Variants in UBR4 observed in about 807,000 individuals in gnomAD.
UBR4 encodes the protein E3 ubiquitin-protein ligase UBR4.
UBR4 carries 124 observed loss-of-function variants against 575.6 expected under a neutral mutation model. The observed-to-expected ratio is 0.22, with a 90% CI of 0.19 to 0.25. The LOEUF is 0.25. Among genes scored for constraint, UBR4 ranks in the 10% least tolerant of loss-of-function variants. The pLI is 1.00. For synonymous variants in UBR4, 2,455 were observed against 2,473.7 expected (o/e 0.99, Z 0.22); for missense variants, 4,818 against 6,478.8 (o/e 0.74, Z 8.80).
In UBR4 at chr1:19,139,067, C is replaced by G; in HGVS notation, c.8731+16G>C. On this transcript the variant is annotated intron_variant, in intron 59 of 105. Coordinates refer to ENST00000375254, the MANE Select transcript of UBR4 (RefSeq NM_020765.3). This position sits in a 1 kb window ranked among gnomAD's most constrained non-coding sequence, Gnocchi z 4.2. Reference sequence around the variant, plus strand: ...CCTCTGCCCAAGGAGACAGGACCCCCGCCATGGCACATTACCACTGTGCTC... The same window carrying G: ...CCTCTGCCCAAGGAGACAGGACCCCGGCCATGGCACATTACCACTGTGCTC... 2 of 1,600,346 alleles carry G rather than the reference C, an allele frequency of 1.2e-6. No individual in the cohort carries two copies. Among genetic ancestry groups the G allele is most frequent in the Non-Finnish European group, 1.7e-6 (2 of 1,171,276 alleles).
intron 60 of UBR4, among the ~76,000 whole-genome samples, chr1:19,134,952 T>C (rs887067114): frequency 2.6e-5 from 4 of 152,036 alleles, no homozygotes; most frequent in African/African-American, 9.7e-5. Context: ...TATAGTCCAG[T>C]TTATAGGTTT....
At chr1:19,183,744 TTGGAGCTGCAGCCTA>T in intron 17 of UBR4, 52 bp downstream of exon 17, 1 of 1,492,656 alleles carries the variant, frequency 6.7e-7, no homozygotes, top group Non-Finnish European at 9.3e-7. Flanking sequence ...AAACAAACAA[TTGGAGCTGCAGCCTA>T]TGGAAGCTGG....
Position 19,084,599 on chromosome 1 carries a change from C to A in UBR4, c.14913G>T (p.Glu4971Asp), listed in dbSNP as rs1468951359. ...IKLLFLRFAM[E>D]QSFSADTGGG... ...CGCCAGTGTCTGCGCTGAACGACTG[C>A]TCCATGGCGAAGCGCAGGAAGAGCA... Residue 4971 changes from glutamate (E) to aspartate (D), a missense_variant, in exon 102 of 106, where the codon GAG becomes GAT. Physicochemically the swap from Glu to Asp is conservative, Grantham distance 45 (BLOSUM62 2). Coordinates refer to ENST00000375254, the MANE Select transcript of UBR4 (RefSeq NM_020765.3). 1.2e-6 allele frequency: 2 copies of A among 1,614,042 alleles called. No individual in the cohort carries two copies. Among genetic ancestry groups the A allele is most frequent in the Non-Finnish European group, 1.7e-6 (2 of 1,179,988 alleles).
At position 19,104,640 on chromosome 1, in the gene UBR4, C is replaced by T. The variant is rs541950120; in HGVS notation, c.12672G>A (p.Glu4224=). Residue 4224 remains glutamate, a synonymous_variant, in exon 86 of 106, where the codon GAG becomes GAA. Coordinates refer to ENST00000375254, the MANE Select transcript of UBR4 (RefSeq NM_020765.3). ...GCAGATCGGTACTCAGGGTAGCCTC[C>T]TCCAGGGCCAGCAGACGAGCTATTT... is the stretch of plus-strand genomic sequence containing the variant. ...TKEIARLLAL[E]EATLSTDLQQ... 3 of 1,614,138 alleles carry T rather than the reference C, an allele frequency of 1.9e-6. No homozygotes were observed. The African/African-American group carries it at 4.0e-5, about 22-fold the overall frequency.
At position 19,117,504 on chromosome 1, in the gene UBR4, C is replaced by A; in HGVS notation, c.10630-90G>T. On this transcript the variant is annotated intron_variant, in intron 72 of 105. Coordinates refer to ENST00000375254, the MANE Select transcript of UBR4 (RefSeq NM_020765.3). This position sits in a 1 kb window ranked among gnomAD's most constrained non-coding sequence, Gnocchi z 4.0. Reference sequence around the variant, plus strand: ...ATCAGTGTAACCCACTCTTCATCCACAAGATGAAGTTTCTATTTAATTTTT... The same window carrying A: ...ATCAGTGTAACCCACTCTTCATCCAAAAGATGAAGTTTCTATTTAATTTTT... 1 of 1,339,502 alleles carries A rather than the reference C, an allele frequency of 7.5e-7. No homozygotes were observed. The highest frequency in any genetic ancestry group is 1.4e-5 in the South Asian group (1 of 73,314). The allele number at this position is 1,339,502 out of a possible 1,614,324, so 83.0% of individuals were successfully genotyped here.
intron 1 of UBR4, among the ~76,000 whole-genome samples, chr1:19,209,315 GA>G (rs2093184976): frequency 6.6e-6 from 1 of 152,146 alleles, no homozygotes; most frequent in Non-Finnish European, 1.5e-5. Context: ...AGTATGTCAG[GA>G]AAAGGCAGGC....
rs775801765 is a variant in UBR4, at chr1:19,148,023, G to A, written c.7599C>T (p.His2533=). The A allele has an allele frequency of 9.3e-6, 15 of 1,612,746 alleles. 1 individual carries two copies. In the South Asian group the frequency reaches 1.5e-4, roughly 17 times the overall value. The change falls in exon 51 of 106, where the codon CAC becomes CAT. Residue 2533 remains histidine (H), a synonymous_variant. Transcript: ENST00000375254. ...GGCTGTGGTAGGCCGAGCGGCTGGTGTGCAGGCTGGCCAGAAGGCTCTTGG... is the reference window on the plus strand; with the variant it reads ...GGCTGTGGTAGGCCGAGCGGCTGGTATGCAGGCTGGCCAGAAGGCTCTTGG... The part of the protein sequence containing the change: ...QQSKSLLASL[H]TSRSAYHSHK...
At position 19,113,448 on chromosome 1, in the gene UBR4, C is replaced by T. The variant is rs575784324; in HGVS notation, c.11457+251G>A. The stretch of plus-strand genomic sequence containing the variant: ...GGGTTGTTAATGGCTAAAAAAAACC[C>T]TTATCTGTGTTACCTTCCCATCACC... On this transcript the variant is annotated intron_variant, in intron 77 of 105. Coordinates refer to ENST00000375254, the MANE Select transcript of UBR4 (RefSeq NM_020765.3). 8 of 541,322 alleles carry T rather than the reference C, an allele frequency of 1.5e-5. No individual in the cohort carries two copies. In the South Asian group the frequency reaches 1.5e-4, roughly 10 times the overall value. 33.5% of individuals were successfully genotyped at this position (541,322 alleles called of 1,614,324 possible). A position where few individuals can be genotyped will look rare whatever the true frequency, so the allele number is the denominator to read the frequency against.
intron 21 of UBR4, 128 bp from the exon 22 acceptor site, chr1:19,174,575 T>C (rs1343805351): frequency 7.5e-7 from 1 of 1,336,244 alleles, no homozygotes; most frequent in Non-Finnish European, 1.0e-6. Context: ...AATTTCTCCT[T>C]GGAACAGATT....
rs760035233 is a variant in UBR4 at position 19,169,661 on chromosome 1, C to G, written c.3644-129G>C. Reference sequence around the variant, plus strand: ...GCTGTCAAAATAATTAGTAAGATAGCTTAGATAGATATTTCAATAGCAGTA... The same window carrying G: ...GCTGTCAAAATAATTAGTAAGATAGGTTAGATAGATATTTCAATAGCAGTA... On this transcript the variant is annotated intron_variant, in intron 26 of 105. Coordinates refer to ENST00000375254, the MANE Select transcript of UBR4 (RefSeq NM_020765.3). 9.4e-6 allele frequency: 6 copies of G among 638,294 alleles called. No homozygotes were observed. The Admixed American group carries it at 1.0e-4, about 11-fold the overall frequency. 39.5% of individuals were successfully genotyped at this position (638,294 alleles called of 1,614,324 possible).
At position 19,086,274 on chromosome 1, in the gene UBR4, G is replaced by T; in HGVS notation, c.14688-4C>A. ...CTCTTCCCGGCCTCGAGCCAACCTG[G>T]ATAGGGAGGAGAGCAGGGACAAGCG... On this transcript the variant is annotated splice_polypyrimidine_tract_variant and splice_region_variant and intron_variant, in intron 100 of 105. Transcript: ENST00000375254. The T allele has an allele frequency of 6.2e-7, 1 of 1,600,396 alleles. No individual in the cohort carries two copies. Among genetic ancestry groups the T allele is most frequent in the Non-Finnish European group, 8.5e-7 (1 of 1,173,686 alleles).
chr1:19,168,540 G>A (rs1303860024), intron 27 of UBR4, among the ~76,000 whole-genome samples: 1 of 152,156 alleles, frequency 6.6e-6, no homozygotes, highest in East Asian at 1.9e-4. Flanking sequence ...GTTCTGGGTG[G>A]TGTAAACAGA....
chr1:19,101,110 C>T (rs1459946346), intron 88 of UBR4, among the ~76,000 whole-genome samples: 1 of 151,908 alleles, frequency 6.6e-6, no homozygotes, highest in Admixed American at 6.6e-5. Flanking sequence ...ACAGTTCAGG[C>T]TAGGGAAAAA....
intron 103 of UBR4, 100 bp from the exon 104 acceptor site, chr1:19,078,166 G>A (rs1557460878): frequency 8.1e-7 from 1 of 1,233,656 alleles, no homozygotes; most frequent in Non-Finnish European, 1.2e-6. Context: ...TCACAGTGGT[G>A]TATGCATCTC....
At position 19,145,858 on chromosome 1, in the gene UBR4, T is replaced by C; in HGVS notation, c.7880A>G (p.Asn2627Ser). The change falls in exon 53 of 106, where the codon AAC becomes AGC. Residue 2627 changes from asparagine (N) to serine (S), a missense_variant. By Grantham distance (46) the Asn-to-Ser change is conservative (BLOSUM62 1). Around this residue, in one of 29 missense-constraint regions of UBR4, gnomAD observed 340 missense variants for 375.4 expected, o/e 0.91. Coordinates refer to ENST00000375254, the MANE Select transcript of UBR4 (RefSeq NM_020765.3). ...GGATGCATGGAGTTTCCAGAAGTGG[T>C]TCACAAGCTGGGTGATGAAACTACA... is the stretch of plus-strand genomic sequence containing the variant. ...DCCSFITQLV[N>S]HFWKLHASKP... 1 of 1,614,194 alleles carries C rather than the reference T, an allele frequency of 6.2e-7. No homozygotes were observed. Among genetic ancestry groups the C allele is most frequent in the Non-Finnish European group, 8.5e-7 (1 of 1,180,024 alleles).
Position 19,087,849 on chromosome 1 carries a change from C to A in UBR4, c.14511G>T (p.Thr4837=). ...TGTATCCCTCCCTGCAGATGCAGCA[C>A]GTGAGGCCAGGCTCCTCGATCAGCT... ...MEELIEEPGL[T]CCICREGYKF... is the part of the protein sequence containing the mutation. The change falls in exon 99 of 106, where the codon ACG becomes ACT. Residue 4837 remains threonine (T), a synonymous_variant. Transcript: ENST00000375254. 1 of 1,611,498 alleles carries A rather than the reference C, an allele frequency of 6.2e-7. No homozygotes were observed.
Position 19,184,140 on chromosome 1 carries a change from G to A in UBR4, c.1974C>T (p.Ile658=), listed in dbSNP as rs754987267. ...LGLASNILNF[I]TSSMLNSRNN... is the part of the protein sequence containing the mutation. ...TCCGAGAGTTCAGCATGGAAGAGGT[G>A]ATGAAGTTCAAAATGTTGGAAGCCA... The change falls in exon 16 of 106, where the codon ATC becomes ATT. Residue 658 remains isoleucine (I), a synonymous_variant. Coordinates refer to ENST00000375254, the MANE Select transcript of UBR4 (RefSeq NM_020765.3). 4 of 1,614,048 alleles carry A rather than the reference G, an allele frequency of 2.5e-6. No individual in the cohort carries two copies. In the Admixed American group the frequency reaches 5.0e-5, roughly 20 times the overall value.
chr1:19,096,379 G>T, intron 92 of UBR4, 144 bp downstream of exon 92: 1 of 1,332,060 alleles, frequency 7.5e-7, no homozygotes, highest in Non-Finnish European at 1.0e-6. Context: ...AGTCCTAACT[G>T]CCAGGTCCTT....
At chr1:19,101,442 A>C in intron 88 of UBR4, 78 bp downstream of exon 88, 1 of 1,509,142 alleles carries the variant, frequency 6.6e-7, no homozygotes, top group Admixed American at 1.8e-5. Flanking sequence ...CCATAACTTT[A>C]ATGAATCACC....
Sources: allele counts gnomAD v4.1 joint callset (sites outside exome capture counted in the v4.1 genomes callset), GRCh38; gene constraint gnomAD v4.1.1; regional missense constraint gnomAD v4.1.1; non-coding constraint Gnocchi (gnomAD v3.1); transcripts MANE v1.5; gene names NCBI Gene and HGNC (gene_info 2026-07-23, HGNC 2026-07-21).